The following CACNA2D2 variants were observed in gnomAD, a reference collection of about 807,000 sequenced individuals.
CACNA2D2 encodes the protein calcium voltage-gated channel auxiliary subunit alpha2delta 2.
Under a neutral mutation model 166.4 loss-of-function variants are expected in CACNA2D2, and 48 were observed. The observed-to-expected ratio is 0.29, with a 90% CI of 0.23 to 0.37. The LOEUF is 0.37. Ranked by LOEUF, CACNA2D2 falls within the 10% of genes least tolerant of loss-of-function variation. The pLI is 1.00. For missense variants in CACNA2D2, 1,122 were observed against 1,433.0 expected (o/e 0.78, Z 3.50); for synonymous variants, 561 against 573.7 (o/e 0.98, Z 0.32).
At chr3:50,385,418 C>T (rs768208292) in intron 5 of CACNA2D2, among the ~76,000 whole-genome samples, 8 of 152,134 alleles carry the variant, frequency 5.3e-5, no homozygotes, top group South Asian at 2.1e-4. Flanking sequence ...CATGGGTCCA[C>T]GTGGGCTGAC....
chr3:50,373,728 AGG>A (rs1181712032), intron 22 of CACNA2D2, among the ~76,000 whole-genome samples: 1 of 132,456 alleles, frequency 7.5e-6, no homozygotes, highest in East Asian at 2.2e-4. Context: ...GGAGAAGAGG[AGG>A]GAGAGAGGGA....
rs1297312213 is a variant in CACNA2D2, at chr3:50,367,533, G to A, written c.2298-36C>T. On this transcript the variant is annotated intron_variant, in intron 26 of 37. Transcript: ENST00000424201. This position sits in a 1 kb window ranked among gnomAD's most constrained non-coding sequence, Gnocchi z 6.5. The stretch of plus-strand genomic sequence containing the variant: ...CAAGAGGCAGACTGGTAGGTAAGGG[G>A]TGGCTTGTCGGGGACAGTGGTCTCC... 1 of 1,610,196 alleles carries A rather than the reference G, an allele frequency of 6.2e-7. No individual in the cohort carries two copies. The highest frequency in any genetic ancestry group is 1.1e-5 in the South Asian group (1 of 90,978).
chr3:50,377,663 C>T (rs1373032529), intron 16 of CACNA2D2, 69 bp downstream of exon 16: 15 of 1,575,110 alleles, frequency 9.5e-6, no homozygotes, highest in African/African-American at 1.3e-5. Context: ...CTTCCACCCT[C>T]AGACCTGCTG....
intron 22 of CACNA2D2, chr3:50,373,128 A>C: frequency 6.5e-7 from 1 of 1,527,902 alleles, no homozygotes; most frequent in Non-Finnish European, 8.8e-7. Context: ...AAACAAAAAC[A>C]ACACAAACAC....
chr3:50,368,273 G>A (rs1704461559), intron 23 of CACNA2D2, 38 bp from the exon 24 acceptor site: 3 of 1,270,046 alleles, frequency 2.4e-6, no homozygotes, highest in Non-Finnish European at 3.5e-6. Flanking sequence ...GGGCTTGGGG[G>A]GCTGGACAGG....
chr3:50,463,036 C>A (rs774515880), intron 2 of CACNA2D2, among the ~76,000 whole-genome samples: 1 of 152,078 alleles, frequency 6.6e-6, no homozygotes, highest in Admixed American at 6.6e-5. Context: ...GGGCAGCAGG[C>A]GACATCACTA....
At chr3:50,503,911 A>C (rs1282794712), upstream of CACNA2D2, among the ~76,000 whole-genome samples, 2 of 141,532 alleles carry the variant, frequency 1.4e-5, no homozygotes, top group African/African-American at 2.6e-5. Context: ...TCCCCACCCC[A>C]CCCGCGGGAA....
intron 2 of CACNA2D2, among the ~76,000 whole-genome samples, chr3:50,440,056 G>A (rs1021399224): frequency 2.0e-5 from 3 of 152,236 alleles, no homozygotes; most frequent in African/African-American, 7.2e-5. Context: ...ACCACTGACA[G>A]CACTTGGGAC....
At chr3:50,378,468 T>C in intron 13 of CACNA2D2, 135 bp from the exon 14 acceptor site, 1 of 856,694 alleles carries the variant, frequency 1.2e-6, no homozygotes, top group Non-Finnish European at 1.9e-6. Context: ...CCTCTCCCTC[T>C]AGTGCTCCCG....
chr3:50,440,185 C>A (rs1483206062), intron 2 of CACNA2D2, among the ~76,000 whole-genome samples: 4 of 152,212 alleles, frequency 2.6e-5, no homozygotes, highest in African/African-American at 9.7e-5. Context: ...TGGGGACACA[C>A]CAGCCACGAG....
intron 2 of CACNA2D2, among the ~76,000 whole-genome samples, chr3:50,462,613 G>C (rs1709642289): frequency 1.3e-5 from 2 of 151,868 alleles, no homozygotes; most frequent in African/African-American, 2.4e-5. Flanking sequence ...GATGGGCTGG[G>C]GGAGGGGTGC....
chr3:50,501,546 C>A (rs1698964082), intron 1 of CACNA2D2, among the ~76,000 whole-genome samples: 1 of 152,264 alleles, frequency 6.6e-6, no homozygotes, highest in African/African-American at 2.4e-5. Context: ...GGTGCCTACT[C>A]TGGTCAGGTT....
At chr3:50,464,592 A>C (rs1397089284) in intron 2 of CACNA2D2, among the ~76,000 whole-genome samples, 10 of 152,222 alleles carry the variant, frequency 6.6e-5, no homozygotes, top group African/African-American at 2.4e-4. Flanking sequence ...GAGACACAGT[A>C]TGCCAGCCTC....
chr3:50,398,085 C>T (rs989591654), intron 3 of CACNA2D2, among the ~76,000 whole-genome samples: 3 of 151,994 alleles, frequency 2.0e-5, no homozygotes, highest in African/African-American at 7.2e-5. Context: ...CTGGAAGGGG[C>T]AAGAAACTGA....
rs541880815 is a variant in CACNA2D2 at position 50,403,191 on chromosome 3, C to T, written c.406-9023G>A. Among the ~76,000 whole-genome samples, 14 of 152,256 alleles carry T rather than the reference C, an allele frequency of 9.2e-5. No homozygotes were observed. In the East Asian group the frequency reaches 2.5e-3, roughly 27 times the overall value. On this transcript the variant is annotated intron_variant, in intron 3 of 37. Coordinates refer to ENST00000424201, the MANE Select transcript of CACNA2D2 (RefSeq NM_006030.4). ...ACCAAAACACTGCCAGGGCCCCTCC[C>T]AGGGCTGTGAGGATGTGGATGGAGA...
intron 6 of CACNA2D2, among the ~76,000 whole-genome samples, chr3:50,381,384 C>T (rs2106672106): frequency 6.6e-6 from 1 of 152,104 alleles, no homozygotes; most frequent in East Asian, 1.9e-4. Context: ...GCAGGCAGGG[C>T]AGCTGTGGCT....
At chr3:50,404,342 T>C (rs1021084331) in intron 3 of CACNA2D2, among the ~76,000 whole-genome samples, 1 of 152,050 alleles carries the variant, frequency 6.6e-6, no homozygotes, top group African/African-American at 2.4e-5. Flanking sequence ...CTCTGGACCT[T>C]GTGAAAATGT....
At chr3:50,394,218 C>G in intron 3 of CACNA2D2, 50 bp from the exon 4 acceptor site, 1 of 1,489,088 alleles carries the variant, frequency 6.7e-7, no homozygotes, top group South Asian at 1.1e-5. Context: ...GCAGCCTGCC[C>G]TATGCCCACC....
rs1340596429 is a variant in CACNA2D2, at chr3:50,376,233, G to C, written c.1627-45C>G. ...GCTCAGGGTCTGGAGGGATGGGCTG[G>C]GGTTCCCTGGGCTCCGGAGTTCTTC... On this transcript the variant is annotated intron_variant, in intron 17 of 37. Transcript: ENST00000424201. This position sits in a 1 kb window ranked among gnomAD's most constrained non-coding sequence, Gnocchi z 4.3. 1 of 1,592,360 alleles carries C rather than the reference G, an allele frequency of 6.3e-7. No individual in the cohort carries two copies. The highest frequency in any genetic ancestry group is 1.1e-5 in the South Asian group (1 of 90,404).
Sources: gnomAD v4.1 joint callset for allele counts (sites outside exome capture counted in the v4.1 genomes callset) on GRCh38, gnomAD v4.1.1 for gene constraint, Gnocchi (gnomAD v3.1) non-coding constraint, MANE v1.5 for transcripts, NCBI Gene and HGNC (gene_info 2026-07-23, HGNC 2026-07-21) for gene names.